ANKFN1: variants seen among roughly 807,000 people sequenced by gnomAD.
ANKFN1 encodes ankyrin repeat and fibronectin type-III domain-containing protein 1.
Under a neutral mutation model 108.7 loss-of-function variants are expected in ANKFN1, and 74 were observed. That is an observed-to-expected ratio of 0.68 (90% CI 0.56 to 0.83). The LOEUF is 0.83. ANKFN1 is among the 40% of genes least tolerant of loss of function. ANKFN1 has a pLI of 0.00. For synonymous variants in ANKFN1, 547 were observed against 516.2 expected (o/e 1.06, Z -0.81); for missense variants, 1,505 against 1,382.3 (o/e 1.09, Z -1.41).
intron 3 of ANKFN1, among the ~76,000 whole-genome samples, chr17:56,240,933 G>A (rs1203175031): frequency 1.3e-5 from 2 of 151,484 alleles, no homozygotes; most frequent in Admixed American, 6.6e-5. Flanking sequence ...TATGTTATAT[G>A]CAAATACATT....
At chr17:56,209,574 AAC>A in intron 1 of ANKFN1, among the ~76,000 whole-genome samples, 1 of 152,356 alleles carries the variant, frequency 6.6e-6, no homozygotes, top group Non-Finnish European at 1.5e-5. Flanking sequence ...CATTATCTGA[AAC>A]AGAGTCTCCT....
intron 8 of ANKFN1, among the ~76,000 whole-genome samples, chr17:56,391,368 ATGTGTGTGTGTGTGTGTGTGTGTG>A (rs199687714): frequency 1.6e-5 from 2 of 128,714 alleles, no homozygotes; most frequent in Non-Finnish European, 3.2e-5. Context: ...ACATATATAT[ATGTGTGTGTGTGTGTGTGTGTGTG>A]TGTGTGTGTG....
rs1180366265 is a variant in ANKFN1 at position 56,513,103 on chromosome 17, C to T, written c.*1834C>T. 1.3e-5 allele frequency among the ~76,000 whole-genome samples: 2 copies of T among 152,210 alleles called. No homozygotes were observed. Among genetic ancestry groups the T allele is most frequent in the Admixed American group, 6.5e-5 (1 of 15,286 alleles). On this transcript the variant is annotated 3_prime_UTR_variant, in exon 21 of 21. Transcript: ENST00000682825. The stretch of plus-strand genomic sequence containing the variant: ...ACCCAGAGAGGTTAAGTAACATGCT[C>T]AAGGTCACGGAGCTGGTTTAGTCTC...
intron 4 of ANKFN1, among the ~76,000 whole-genome samples, chr17:56,327,965 G>C (rs891478537): frequency 1.3e-5 from 2 of 152,040 alleles, no homozygotes; most frequent in African/African-American, 4.8e-5. Context: ...CTCATCTAAG[G>C]GATCCAGAAC....
chr17:56,246,541 A>AT (rs929426628), intron 3 of ANKFN1, among the ~76,000 whole-genome samples: 6 of 151,798 alleles, frequency 4.0e-5, no homozygotes, highest in Admixed American at 6.6e-5. Flanking sequence ...TCCTTGTGCA[A>AT]TTTTTTTTCC....
chr17:56,048,210 C>T (rs1167161095), intron 4 of ANKFN1, among the ~76,000 whole-genome samples: 1 of 151,954 alleles, frequency 6.6e-6, no homozygotes, highest in African/African-American at 2.4e-5. Flanking sequence ...ATGCTGTAAT[C>T]TGTTTAGCAA....
chr17:56,108,542 AT>A (rs1200573019), intron 4 of ANKFN1, among the ~76,000 whole-genome samples: 1 of 152,208 alleles, frequency 6.6e-6, no homozygotes. Flanking sequence ...GAAGAGTACT[AT>A]TGCTACTCCA....
At chr17:56,096,324 C>G (rs1472559862) in intron 4 of ANKFN1, among the ~76,000 whole-genome samples, 1 of 152,192 alleles carries the variant, frequency 6.6e-6, no homozygotes, top group Non-Finnish European at 1.5e-5. Context: ...TTACCATTCT[C>G]TCATGTTTTC....
At chr17:56,157,485 CAG>C (rs1295684693) in intron 1 of ANKFN1, among the ~76,000 whole-genome samples, 6 of 152,172 alleles carry the variant, frequency 3.9e-5, no homozygotes, top group African/African-American at 1.4e-4. Flanking sequence ...TGCTTATTCC[CAG>C]AGACCACAGT....
chr17:56,413,219 T>G (rs1176103002), intron 8 of ANKFN1, among the ~76,000 whole-genome samples: 1 of 152,226 alleles, frequency 6.6e-6, no homozygotes, highest in Non-Finnish European at 1.5e-5. Flanking sequence ...TTTTGGCTGT[T>G]GGCTTGATTG....
intron 5 of ANKFN1, among the ~76,000 whole-genome samples, chr17:56,353,169 T>C (rs949217308): frequency 2.0e-5 from 3 of 152,122 alleles, no homozygotes; most frequent in Non-Finnish European, 4.4e-5. Flanking sequence ...TGGGGTACAC[T>C]TGGTTTAATC....
intron 4 of ANKFN1, among the ~76,000 whole-genome samples, chr17:56,331,376 TCC>T (rs2045658357): frequency 6.6e-6 from 1 of 152,188 alleles, no homozygotes; most frequent in African/African-American, 2.4e-5. Context: ...TGGTTAGAAC[TCC>T]TATTTTGAAT....
intron 1 of ANKFN1, among the ~76,000 whole-genome samples, chr17:56,208,959 C>T (rs767432085): frequency 6.6e-6 from 1 of 152,054 alleles, no homozygotes; most frequent in Non-Finnish European, 1.5e-5. Context: ...CTAACTGCAA[C>T]CTCCGCCTCC....
intron 4 of ANKFN1, among the ~76,000 whole-genome samples, chr17:56,347,722 A>G (rs1204572332): frequency 6.6e-6 from 1 of 152,216 alleles, no homozygotes; most frequent in Non-Finnish European, 1.5e-5. Flanking sequence ...GGAAACGGCT[A>G]CAGAATAGCC....
chr17:56,406,330 A>T (rs541265702), intron 8 of ANKFN1, among the ~76,000 whole-genome samples: 1 of 152,304 alleles, frequency 6.6e-6, no homozygotes, highest in South Asian at 2.1e-4. Context: ...ACAATACAGT[A>T]AGCTAAAATG....
intron 6 of ANKFN1, among the ~76,000 whole-genome samples, chr17:56,356,940 A>C (rs578190916): frequency 6.6e-6 from 1 of 152,212 alleles, no homozygotes; most frequent in African/African-American, 2.4e-5. Flanking sequence ...CTGTGAAAAC[A>C]GTAAGACTCC....
At chr17:56,218,435 G>C (rs1041454521) in intron 2 of ANKFN1, among the ~76,000 whole-genome samples, 1 of 152,068 alleles carries the variant, frequency 6.6e-6, no homozygotes, top group South Asian at 2.1e-4. Context: ...ACCTGGCTGA[G>C]ATGATCTAAC....
At chr17:56,469,280 G>A (rs1480895123) in intron 15 of ANKFN1, among the ~76,000 whole-genome samples, 1 of 140,152 alleles carries the variant, frequency 7.1e-6, no homozygotes, top group East Asian at 2.1e-4. Flanking sequence ...TCCCATACAA[G>A]TCTCACACTA....
chr17:56,388,723 C>T (rs1054208097), intron 8 of ANKFN1, among the ~76,000 whole-genome samples: 17 of 151,898 alleles, frequency 1.1e-4, no homozygotes, highest in Non-Finnish European at 2.1e-4. Flanking sequence ...TCAAATGTTC[C>T]TTTCAGAGTA....
Sources: gnomAD v4.1 joint callset for allele counts (sites outside exome capture counted in the v4.1 genomes callset) on GRCh38, gnomAD v4.1.1 for gene constraint, MANE v1.5 for transcripts, NCBI Gene and HGNC (gene_info 2026-07-23, HGNC 2026-07-21) for gene names.